The following EDNRA variants were observed in gnomAD, a reference collection of about 807,000 sequenced individuals.
The protein encoded by EDNRA is endothelin-1 receptor.
EDNRA carries 11 observed loss-of-function variants against 41.4 expected under a neutral mutation model. The ratio of observed to expected loss-of-function variants is 0.27; its 90% CI spans 0.17 to 0.44. The LOEUF (loss-of-function observed/expected upper bound fraction) is 0.44, where lower values mean the gene tolerates loss of function less well. Ranked by LOEUF, EDNRA falls within the 20% of genes least tolerant of loss-of-function variation. EDNRA has a pLI of 1.00. For missense variants in EDNRA, 294 were observed against 531.0 expected, an observed-to-expected ratio of 0.55 and a Z score of 4.39; for synonymous variants, 172 against 183.0, an observed-to-expected ratio of 0.94 and a Z score of 0.49.
In EDNRA at chr4:147,544,022, T is replaced by G. The variant is rs1165574618; in HGVS notation, c.*1404T>G. 1 of 152,580 alleles carries G rather than the reference T, an allele frequency of 6.6e-6. No homozygotes were observed. Among genetic ancestry groups the G allele is most frequent in the African/African-American group, 2.4e-5 (1 of 41,430 alleles). The allele number at this position is 152,580 out of a possible 1,614,324, so 9.5% of individuals were successfully genotyped here. ...TATATATAAACAATTGTAAATTTCTTTTAGCCCATTTTTCTAGACTGTCTC... is the reference window on the plus strand; with the variant it reads ...TATATATAAACAATTGTAAATTTCTGTTAGCCCATTTTTCTAGACTGTCTC... On this transcript the variant is annotated 3_prime_UTR_variant, in exon 8 of 8. Coordinates refer to ENST00000651419, the MANE Select transcript of EDNRA (RefSeq NM_001957.4).
chr4:147,514,151 T>C (rs1283319051), intron 2 of EDNRA, among the ~76,000 whole-genome samples: 4 of 152,208 alleles, frequency 2.6e-5, no homozygotes, highest in Non-Finnish European at 5.9e-5. Context: ...CATCATATCC[T>C]TGTGGCAGGT....
chr4:147,527,714 A>G (rs141969693), intron 3 of EDNRA, among the ~76,000 whole-genome samples: 2,303 of 152,296 alleles, frequency 0.015, 75 homozygotes, highest in African/African-American at 0.053. Context: ...TTATAGGCAC[A>G]CGCACTAACA....
In EDNRA at chr4:147,488,382, T is replaced by A. The variant is rs1729014205; in HGVS notation, c.420+2281T>A. 3 of 152,336 alleles carry A rather than the reference T, an allele frequency of 2.0e-5. No homozygotes were observed. The South Asian group carries it at 6.2e-4, about 32-fold the overall frequency. The allele number at this position is 152,336 out of a possible 1,614,324, so 9.4% of individuals were successfully genotyped here. ...ACTTTGCTTTACATTCACCTAGCAA[T>A]GAATAAAAATTAACATATTCTTATT... is the stretch of plus-strand genomic sequence containing the variant. On this transcript the variant is annotated intron_variant, in intron 2 of 7. Coordinates refer to ENST00000651419, the MANE Select transcript of EDNRA (RefSeq NM_001957.4).
At chr4:147,499,820 T>TTTTA (rs1729446911) in intron 2 of EDNRA, among the ~76,000 whole-genome samples, 1 of 119,646 alleles carries the variant, frequency 8.4e-6, no homozygotes. Flanking sequence ...TTTTTTTTTT[T>TTTTA]TTGAGACGGA....
chr4:147,506,032 T>C, intron 2 of EDNRA: 1 of 427,924 alleles, frequency 2.3e-6, no homozygotes, highest in South Asian at 1.8e-5. Flanking sequence ...GAAGTGAAAA[T>C]TTTGTTCATG....
At chr4:147,488,120 T>G (rs702757) in intron 2 of EDNRA, 2 of 151,970 alleles carry the variant, frequency 1.3e-5, no homozygotes, top group African/African-American at 4.8e-5. Flanking sequence ...AAAATAATTA[T>G]CCATCTCTGC....
At chr4:147,525,883 C>G (rs1192187578) in intron 3 of EDNRA, among the ~76,000 whole-genome samples, 1 of 152,178 alleles carries the variant, frequency 6.6e-6, no homozygotes, top group Non-Finnish European at 1.5e-5. Flanking sequence ...AGTTCTTGAA[C>G]CCATCATTTC....
intron 1 of EDNRA, among the ~76,000 whole-genome samples, chr4:147,482,447 A>T (rs1474985954): frequency 6.6e-6 from 1 of 152,218 alleles, no homozygotes; most frequent in East Asian, 1.9e-4. Context: ...TGAACCTGAG[A>T]TGCTTCACTA....
At chr4:147,518,266 C>G (rs1044604473) in intron 2 of EDNRA, among the ~76,000 whole-genome samples, 1 of 152,128 alleles carries the variant, frequency 6.6e-6, no homozygotes, top group South Asian at 2.1e-4. Context: ...GCATTAATAA[C>G]CAGCAGTCAG....
At chr4:147,535,755 G>C in intron 4 of EDNRA, 122 bp from the exon 5 acceptor site, 1 of 1,245,198 alleles carries the variant, frequency 8.0e-7, no homozygotes, top group South Asian at 1.5e-5. Context: ...ACTGCAACCA[G>C]AGAGCATGAT....
chr4:147,526,302 G>T (rs950281932), intron 3 of EDNRA, among the ~76,000 whole-genome samples: 1 of 152,180 alleles, frequency 6.6e-6, no homozygotes, highest in Non-Finnish European at 1.5e-5. Context: ...CATGTTGAAG[G>T]TCAGGAATTT....
In EDNRA at chr4:147,532,793, A is replaced by C. The variant is rs1391605282; in HGVS notation, c.747+89A>C. 22 of 1,341,476 alleles carry C rather than the reference A, an allele frequency of 1.6e-5. 1 individual carries two copies. The highest frequency in any genetic ancestry group is 2.2e-5 in the Non-Finnish European group (21 of 943,880). The allele number at this position is 1,341,476 out of a possible 1,614,324, so 83.1% of individuals were successfully genotyped here. ...CTTGAGACTTGATGACATCGCCACA[A>C]TGTCAAGTGTGGTTTCTTCTGTCAA... On this transcript the variant is annotated intron_variant, in intron 4 of 7. Coordinates refer to ENST00000651419, the MANE Select transcript of EDNRA (RefSeq NM_001957.4).
chr4:147,530,616 G>C (rs1336972439), intron 3 of EDNRA, among the ~76,000 whole-genome samples: 1 of 152,206 alleles, frequency 6.6e-6, no homozygotes, highest in Admixed American at 6.5e-5. Context: ...AATATGCCAT[G>C]TGGCATCATC....
At chr4:147,516,030 G>A (rs1405290420) in intron 2 of EDNRA, among the ~76,000 whole-genome samples, 1 of 152,104 alleles carries the variant, frequency 6.6e-6, no homozygotes, top group African/African-American at 2.4e-5. Context: ...GGGGATCAGG[G>A]GCTTTAACTA....
chr4:147,484,661 G>A (rs945919574), intron 1 of EDNRA, among the ~76,000 whole-genome samples: 1 of 152,180 alleles, frequency 6.6e-6, no homozygotes, highest in Non-Finnish European at 1.5e-5. Flanking sequence ...AAGATAGCAT[G>A]GGGACAGGTG....
At chr4:147,523,579 C>T (rs1344574966) in intron 3 of EDNRA, among the ~76,000 whole-genome samples, 3 of 151,520 alleles carry the variant, frequency 2.0e-5, no homozygotes, top group African/African-American at 7.3e-5. Context: ...CAAGCTCCGC[C>T]TCCCAGGTTC....
At chr4:147,535,585 C>T (rs1578815096) in intron 4 of EDNRA, among the ~76,000 whole-genome samples, 1 of 152,170 alleles carries the variant, frequency 6.6e-6, no homozygotes, top group Admixed American at 6.5e-5. Context: ...GATTAGGGCT[C>T]TTCCGTTGTG....
intron 3 of EDNRA, among the ~76,000 whole-genome samples, chr4:147,525,179 G>A (rs1332481188): frequency 2.0e-5 from 3 of 152,228 alleles, no homozygotes; most frequent in African/African-American, 7.2e-5. Flanking sequence ...ACAGAATGAT[G>A]TAAGATCAAA....
Position 147,509,999 on chromosome 4 carries a change from G to A in EDNRA, c.421-9852G>A, listed in dbSNP as rs377530558. On this transcript the variant is annotated intron_variant, in intron 2 of 7. Coordinates refer to ENST00000651419, the MANE Select transcript of EDNRA (RefSeq NM_001957.4). ...CGAGTCCCTGGTACCAAAAAGGTTG[G>A]GGACCGCTGATCTAGATGGTCTCTA... 6.8e-4 allele frequency among the ~76,000 whole-genome samples: 103 copies of A among 152,152 alleles called. 2 individuals are homozygous for A. The South Asian group carries it at 0.02, about 29-fold the overall frequency.
Sources: gnomAD v4.1 joint callset for allele counts (sites outside exome capture counted in the v4.1 genomes callset) on GRCh38, gnomAD v4.1.1 for gene constraint, MANE v1.5 for transcripts, NCBI Gene and HGNC (gene_info 2026-07-23, HGNC 2026-07-21) for gene names.